The following SLC22A16 variants were observed in gnomAD, a reference collection of about 807,000 sequenced individuals.
SLC22A16 encodes the protein WUGSC:RG331P03.1.
A neutral mutation model predicts 52.9 loss-of-function variants in SLC22A16; 53 were observed. The observed-to-expected ratio is 1.00, with a 90% CI of 0.80 to 1.26. The LOEUF is 1.26. SLC22A16 is among the 50% of genes most tolerant of loss of function. The probability of loss-of-function intolerance (pLI) is 0.00; values close to 1 mark genes in which losing one functional copy is unlikely to be tolerated. For missense variants in SLC22A16, 726 were observed against 704.0 expected (o/e 1.03, Z -0.35); for synonymous variants, 291 against 268.8 (o/e 1.08, Z -0.81).
chr6:110,457,100 G>T (rs1775691732), intron 1 of SLC22A16, 83 bp from the exon 2 acceptor site: 3 of 1,331,220 alleles, frequency 2.3e-6, no homozygotes, highest in Admixed American at 2.4e-5. Flanking sequence ...TCTCCATCAT[G>T]TTTATCTTAA....
chr6:110,434,372 C>A (rs1424281473), intron 6 of SLC22A16, among the ~76,000 whole-genome samples: 1 of 152,126 alleles, frequency 6.6e-6, no homozygotes, highest in Non-Finnish European at 1.5e-5. Flanking sequence ...GACATGAGGG[C>A]TGCAACAAGA....
At chr6:110,448,812 G>C in intron 2 of SLC22A16, among the ~76,000 whole-genome samples, 1 of 152,156 alleles carries the variant, frequency 6.6e-6, no homozygotes, top group Non-Finnish European at 1.5e-5. Context: ...TCTGCATTCA[G>C]CCTTCTCTTC....
intron 6 of SLC22A16, among the ~76,000 whole-genome samples, chr6:110,432,931 T>C (rs1774564207): frequency 6.6e-6 from 1 of 152,210 alleles, no homozygotes; most frequent in Non-Finnish European, 1.5e-5. Context: ...AAAATTCTCA[T>C]GTATTTCACT....
intron 2 of SLC22A16, among the ~76,000 whole-genome samples, chr6:110,453,397 C>A (rs915534961): frequency 6.6e-6 from 1 of 152,054 alleles, no homozygotes; most frequent in South Asian, 2.1e-4. Flanking sequence ...CCTCTCAGGC[C>A]CAAGATGAGG....
intron 6 of SLC22A16, among the ~76,000 whole-genome samples, chr6:110,432,174 A>G (rs1356165487): frequency 6.6e-6 from 1 of 152,240 alleles, no homozygotes; most frequent in Non-Finnish European, 1.5e-5. Context: ...TAAAGAACTG[A>G]TAAAAAGTAT....
rs573390195 is a variant in SLC22A16, at chr6:110,443,010, T to C, written c.652-235A>G. Among the ~76,000 whole-genome samples, 23 of 152,354 alleles carry C rather than the reference T, an allele frequency of 1.5e-4. No homozygotes were observed. The Middle Eastern group carries it at 0.01, about 68-fold the overall frequency. On this transcript the variant is annotated intron_variant, in intron 3 of 7. Coordinates refer to ENST00000368919, the MANE Select transcript of SLC22A16 (RefSeq NM_033125.4). ...ATGGCAAAACTTGAGAGATTATTTA[T>C]GATATAAATGTTAGACATTGTCTTT...
intron 2 of SLC22A16, chr6:110,453,780 TAAAGA>T (rs1775475072): frequency 2.2e-6 from 1 of 447,516 alleles, no homozygotes; most frequent in African/African-American, 2.0e-5. Context: ...GGATAATTTA[TAAAGA>T]AAAGAGGTTT....
At chr6:110,468,517 G>A (rs746919358) in intron 1 of SLC22A16, among the ~76,000 whole-genome samples, 4 of 151,922 alleles carry the variant, frequency 2.6e-5, no homozygotes, top group Non-Finnish European at 4.4e-5. Context: ...ATAGTGGCAC[G>A]TGCCTGTAGT....
intron 1 of SLC22A16, among the ~76,000 whole-genome samples, chr6:110,461,157 T>G (rs1037224120): frequency 4.6e-5 from 7 of 152,168 alleles, no homozygotes; most frequent in Non-Finnish European, 7.4e-5. Flanking sequence ...TACCGCTCCC[T>G]ACACAAAGTA....
chr6:110,433,805 T>C (rs1774604053), intron 6 of SLC22A16, among the ~76,000 whole-genome samples: 1 of 152,154 alleles, frequency 6.6e-6, no homozygotes, highest in Admixed American at 6.5e-5. Flanking sequence ...ACTTGGAGGA[T>C]TTAAGGGAGG....
intron 3 of SLC22A16, among the ~76,000 whole-genome samples, chr6:110,443,773 C>A (rs1056339204): frequency 2.0e-5 from 3 of 152,170 alleles, no homozygotes; most frequent in Non-Finnish European, 4.4e-5. Flanking sequence ...ATGGAAGCAA[C>A]CCCCCAAGGG....
At chr6:110,453,929 G>T (rs932062709) in intron 2 of SLC22A16, among the ~76,000 whole-genome samples, 34 of 152,164 alleles carry the variant, frequency 2.2e-4, no homozygotes, top group East Asian at 7.7e-4. Context: ...AAACCTGAGG[G>T]GTGTCCTCAC....
At chr6:110,474,936 T>C (rs7767970) in intron 1 of SLC22A16, 6,466 of 519,016 alleles carry the variant, frequency 0.012, 319 homozygotes, top group African/African-American at 0.11. Context: ...ACCTACCTCA[T>C]TGAGTTACTG....
intron 7 of SLC22A16, among the ~76,000 whole-genome samples, chr6:110,427,207 C>T (rs1774292110): frequency 2.8e-5 from 4 of 140,966 alleles, no homozygotes; most frequent in African/African-American, 8.0e-5. Flanking sequence ...AAGATTGCAC[C>T]ACTGCACTCC....
chr6:110,460,667 T>C (rs942511495), intron 1 of SLC22A16, among the ~76,000 whole-genome samples: 2 of 152,204 alleles, frequency 1.3e-5, no homozygotes, highest in Non-Finnish European at 2.9e-5. Context: ...TGAACTGAGA[T>C]GGTGGACACC....
At chr6:110,442,163 T>A in intron 4 of SLC22A16, 81 bp downstream of exon 4, 2 of 1,380,386 alleles carry the variant, frequency 1.4e-6, no homozygotes, top group African/African-American at 1.5e-5. Flanking sequence ...TTTTCTCAAA[T>A]TCACACAGAA....
chr6:110,474,217 C>T (rs1354885244), intron 1 of SLC22A16, among the ~76,000 whole-genome samples: 6 of 152,118 alleles, frequency 3.9e-5, no homozygotes, highest in African/African-American at 1.4e-4. Flanking sequence ...ATATCTTCCA[C>T]GAAACCAGTC....
intron 4 of SLC22A16, among the ~76,000 whole-genome samples, chr6:110,439,251 G>A (rs918577500): frequency 6.6e-6 from 1 of 152,194 alleles, no homozygotes; most frequent in African/African-American, 2.4e-5. Context: ...ATGTGTGTTT[G>A]TCTTTGGAAA....
intron 5 of SLC22A16, among the ~76,000 whole-genome samples, chr6:110,436,346 C>T (rs1220991418): frequency 2.6e-5 from 4 of 152,118 alleles, no homozygotes; most frequent in Non-Finnish European, 4.4e-5. Context: ...AATTGTGAGC[C>T]GGGCCTAATG....
Sources: gnomAD v4.1 joint callset for allele counts (sites outside exome capture counted in the v4.1 genomes callset) on GRCh38, gnomAD v4.1.1 for gene constraint, MANE v1.5 for transcripts, NCBI Gene and HGNC (gene_info 2026-07-23, HGNC 2026-07-21) for gene names.